Variants in NLRP2 observed in about 807,000 individuals in gnomAD.
NLRP2 encodes the protein NLR family pyrin domain containing 2, also known as NACHT, LRR and PYD domains-containing protein 2.
In NLRP2, 107 loss-of-function variants were observed where a neutral mutation model predicts 97.2. The observed-to-expected ratio is 1.10, with a 90% CI of 0.94 to 1.29. The LOEUF (loss-of-function observed/expected upper bound fraction) is 1.29, where lower values mean the gene tolerates loss of function less well. NLRP2 is among the 50% of genes most tolerant of loss of function. The pLI is 0.00. For missense variants in NLRP2, 1,495 were observed against 1,330.3 expected, an observed-to-expected ratio of 1.12 and a Z score of -1.93; for synonymous variants, 663 against 551.5, an observed-to-expected ratio of 1.20 and a Z score of -2.83.
chr19:54,985,994 T>TC (rs1326177843), intron 7 of NLRP2, among the ~76,000 whole-genome samples, 157 bp from the exon 8 acceptor site: 1 of 151,644 alleles, frequency 6.6e-6, no homozygotes, highest in African/African-American at 2.4e-5. Context: ...AGAGTGAGAC[T>TC]CCATCTCAAA....
chr19:54,972,701 C>T (rs1430838799), intron 2 of NLRP2, among the ~76,000 whole-genome samples: 1 of 152,032 alleles, frequency 6.6e-6, no homozygotes, highest in Non-Finnish European at 1.5e-5. Flanking sequence ...TCAACCGATC[C>T]TCCTGCCTTG....
chr19:54,972,252 G>C (rs960066648), intron 2 of NLRP2, among the ~76,000 whole-genome samples: 4 of 151,910 alleles, frequency 2.6e-5, no homozygotes, highest in African/African-American at 9.7e-5. Flanking sequence ...CACAATCTCA[G>C]CTTATTGCAA....
At position 54,983,129 on chromosome 19, in the gene NLRP2, G is replaced by C. The variant is rs2071742620; in HGVS notation, c.1431G>C (p.Glu477Asp). The change falls in exon 6 of 13, where the codon GAG becomes GAC. Residue 477 changes from glutamate to aspartate, a missense_variant. Glu to Asp is a conservative substitution (Grantham distance 45). Transcript: ENST00000448584. ...REDLERLGVQ[E>D]SDLRLFLDGD... is the part of the protein sequence containing the mutation. ...ATCTGGAAAGGCTCGGGGTGCAGGA[G>C]TCCGACCTCCGTCTGTTCCTGGACG... 1 of 1,613,620 alleles carries C rather than the reference G, an allele frequency of 6.2e-7. No individual in the cohort carries two copies. Among genetic ancestry groups the C allele is most frequent in the Non-Finnish European group, 8.5e-7 (1 of 1,179,962 alleles).
intron 6 of NLRP2, among the ~76,000 whole-genome samples, chr19:54,984,329 G>GTGTGTGTTTTTTTTTTTTTTTTTTTT: frequency 1.3e-4 from 10 of 79,670 alleles, no homozygotes; most frequent in African/African-American, 2.8e-4. Context: ...TTTTTTTTGT[G>GTGTGTGTTTTTTTTTTTTTTTTTTTT]TTTTTTTTTT....
At chr19:54,979,349 T>C (rs933948251) in intron 4 of NLRP2, among the ~76,000 whole-genome samples, 1 of 152,046 alleles carries the variant, frequency 6.6e-6, no homozygotes, top group Non-Finnish European at 1.5e-5. Context: ...GTAGCATTTT[T>C]GTTTTTTCTT....
At chr19:54,992,537 TTGG>T (rs1443311312) in intron 10 of NLRP2, among the ~76,000 whole-genome samples, 6 of 47,464 alleles carry the variant, frequency 1.3e-4, no homozygotes, top group African/African-American at 4.7e-4. Context: ...TGGTATTTTT[TTGG>T]GGGGGGGGGG....
intron 2 of NLRP2, chr19:54,974,215 A>G (rs994797890): frequency 6.9e-6 from 4 of 579,726 alleles, no homozygotes; most frequent in African/African-American, 3.7e-5. Flanking sequence ...TTAGCTGGGC[A>G]TGGTGGTGTA....
At chr19:54,968,886 A>G (rs980017817) in intron 1 of NLRP2, among the ~76,000 whole-genome samples, 12 of 151,360 alleles carry the variant, frequency 7.9e-5, no homozygotes, top group Non-Finnish European at 1.6e-4. Flanking sequence ...TATTTTTAGT[A>G]GAGACGGGGT....
At chr19:54,987,128 A>ACCCCCCCCCCCCCCCCCCCCCCCCCCC (rs763390795) in intron 8 of NLRP2, among the ~76,000 whole-genome samples, 1 of 138,656 alleles carries the variant, frequency 7.2e-6, no homozygotes, top group Non-Finnish European at 1.6e-5. Flanking sequence ...CAGGTGATCT[A>ACCCCCCCCCCCCCCCCCCCCCCCCCCC]CCCCCCCACC....
intron 10 of NLRP2, among the ~76,000 whole-genome samples, chr19:54,992,095 T>G (rs1031964212): frequency 6.6e-6 from 1 of 151,544 alleles, no homozygotes; most frequent in Non-Finnish European, 1.5e-5. Context: ...TTTTATATTT[T>G]TAGTAGAGAT....
At chr19:54,971,892 G>A (rs2070878682) in intron 2 of NLRP2, among the ~76,000 whole-genome samples, 4 of 150,662 alleles carry the variant, frequency 2.7e-5, no homozygotes, top group Admixed American at 6.6e-5. Flanking sequence ...TTAGCAGCAC[G>A]ATCTCGGCTC....
intron 4 of NLRP2, among the ~76,000 whole-genome samples, chr19:54,980,524 A>C (rs2071507441): frequency 6.6e-6 from 1 of 152,174 alleles, no homozygotes; most frequent in Non-Finnish European, 1.5e-5. Context: ...AGACAATCGT[A>C]GGTAAAGGAA....
Position 54,984,275 on chromosome 19 carries a change from G to A in NLRP2, c.2030+547G>A, listed in dbSNP as rs141902260. Among the ~76,000 whole-genome samples, 21 of 148,478 alleles carry A rather than the reference G, an allele frequency of 1.4e-4. No individual in the cohort carries two copies. The East Asian group carries it at 4.1e-3, about 29-fold the overall frequency. ...TGTTCCTGAGTACCTGGGATGACAG[G>A]TATTAAGTGTGCACCATCATGTCCA... is the stretch of plus-strand genomic sequence containing the variant. On this transcript the variant is annotated intron_variant, in intron 6 of 12. Coordinates refer to ENST00000448584, the MANE Select transcript of NLRP2 (RefSeq NM_017852.5).
intron 9 of NLRP2, 65 bp downstream of exon 9, chr19:54,990,257 C>A: frequency 1.3e-6 from 2 of 1,532,638 alleles, no homozygotes; most frequent in Non-Finnish European, 1.8e-6. Flanking sequence ...GAGCAATGGT[C>A]ATGCCTGACT....
chr19:54,982,389 G>A lies in NLRP2; in HGVS notation c.691G>A (p.Ala231Thr). The change falls in exon 6 of 13, where the codon GCA becomes ACA. Residue 231 changes from alanine (A) to threonine (T), a missense_variant. Physicochemically the swap from Ala to Thr is moderately conservative, Grantham distance 58. Coordinates refer to ENST00000448584, the MANE Select transcript of NLRP2 (RefSeq NM_017852.5). ...GGCCCAGAAACTAATGCTAGACTGG[G>A]CAGAGGACAACCTCATCCACAAATT... ...TLAQKLMLDW[A>T]EDNLIHKFKY... The A allele has an allele frequency of 1.9e-6, 3 of 1,614,114 alleles. No individual in the cohort carries two copies. Among genetic ancestry groups the A allele is most frequent in the Non-Finnish European group, 2.5e-6 (3 of 1,180,030 alleles).
chr19:54,966,833 T>TCTTC (rs1568455758), intron 1 of NLRP2, among the ~76,000 whole-genome samples: 1 of 104,708 alleles, frequency 9.6e-6, no homozygotes, highest in African/African-American at 2.9e-5. Context: ...GCCTTTTTTT[T>TCTTC]TTTTTTTTTT....
At chr19:54,981,509 G>GT in intron 4 of NLRP2, 108 bp from the exon 5 acceptor site, 22 of 386,498 alleles carry the variant, frequency 5.7e-5, no homozygotes, top group South Asian at 1.1e-4. Context: ...CTGATCCCGT[G>GT]CCCCCCCTCC....
intron 12 of NLRP2, among the ~76,000 whole-genome samples, chr19:54,998,611 CTTTTTTTTTTTTTTTTTTCCTTT>C (rs1464777240): frequency 2.6e-4 from 11 of 42,216 alleles, no homozygotes; most frequent in Admixed American, 2.2e-3. Context: ...CATCTTTTTT[CTTTTTTTTTTTTTTTTTTCCTTT>C]TTTTTTTTTT....
Position 54,982,728 on chromosome 19 carries a change from C to T in NLRP2, c.1030C>T (p.Leu344Phe), listed in dbSNP as rs2071683245. 4 of 1,613,880 alleles carry T rather than the reference C, an allele frequency of 2.5e-6. No individual in the cohort carries two copies. The highest frequency in any genetic ancestry group is 1.7e-5 in the Admixed American group (1 of 59,992). Residue 344 changes from leucine (L) to phenylalanine (F), a missense_variant, in exon 6 of 13, where the codon CTC (leucine) becomes TTC (phenylalanine). By Grantham distance (22) the Leu-to-Phe change is conservative (BLOSUM62 0). Coordinates refer to ENST00000448584, the MANE Select transcript of NLRP2 (RefSeq NM_017852.5). ...VTTRPRALRD[L>F]RILAEEPIYI... is the part of the protein sequence containing the mutation. ...CACGCGGCCCAGGGCCCTGAGGGACCTCCGGATCCTGGCGGAGGAGCCGAT... is the reference window on the plus strand; with the variant it reads ...CACGCGGCCCAGGGCCCTGAGGGACTTCCGGATCCTGGCGGAGGAGCCGAT...
Sources: gnomAD v4.1 joint callset for allele counts (sites outside exome capture counted in the v4.1 genomes callset) on GRCh38, gnomAD v4.1.1 for gene constraint, MANE v1.5 for transcripts, NCBI Gene and HGNC (gene_info 2026-07-23, HGNC 2026-07-21) for gene names.